The following BCL9L variants were observed in gnomAD, a reference collection of about 807,000 sequenced individuals.
BCL9L encodes B-cell CLL/lymphoma 9-like protein.
A neutral mutation model predicts 99.4 loss-of-function variants in BCL9L; 19 were observed. The observed-to-expected ratio is 0.19, with a 90% CI of 0.13 to 0.28. The LOEUF is 0.28. Ranked by LOEUF, BCL9L falls within the 10% of genes least tolerant of loss-of-function variation. The pLI is 1.00. For missense variants in BCL9L, 2,023 were observed against 2,101.6 expected, an observed-to-expected ratio of 0.96 and a Z score of 0.73; for synonymous variants, 900 against 854.8, an observed-to-expected ratio of 1.05 and a Z score of -0.92.
In BCL9L at chr11:118,898,108, CG is replaced by C; in HGVS notation, c.*306del. On this transcript the variant is annotated 3_prime_UTR_variant, in exon 10 of 10. Coordinates refer to ENST00000683865, the MANE Select transcript of BCL9L (RefSeq NM_001378213.1). ...AAAAGCATAGCTGAAGGGGGTGTGG[CG>C]GGTGCAGGGATGCACGGAAAGAGGT... The C allele has an allele frequency of 3.9e-6, 2 of 516,730 alleles. No homozygotes were observed. The highest frequency in any genetic ancestry group is 7.0e-6 in the Non-Finnish European group (2 of 284,108). 32.0% of individuals were successfully genotyped at this position (516,730 alleles called of 1,614,324 possible).
At position 118,922,276 on chromosome 11, in the gene BCL9L, T is replaced by A. The variant is rs1275097167; in HGVS notation, c.-131+2962A>T. Among the ~76,000 whole-genome samples the A allele has an allele frequency of 2.6e-5, 4 of 152,200 alleles. No individual in the cohort carries two copies. On this transcript the variant is annotated intron_variant, in intron 1 of 9. Transcript: ENST00000683865. This position sits in a 1 kb window ranked among gnomAD's most constrained non-coding sequence, Gnocchi z 6.2. ...TTCAGGGCCGCCGAGCCAAGTGACA[T>A]GCACCAGCTCAGGAGCTGCAGTGCT...
chr11:118,916,348 C>G (rs1412926105), intron 2 of BCL9L, among the ~76,000 whole-genome samples: 1 of 152,172 alleles, frequency 6.6e-6, no homozygotes, highest in Non-Finnish European at 1.5e-5. Flanking sequence ...TTTTACCCAC[C>G]TTGTCTGCAT....
chr11:118,911,458 G>A (rs1365935474), intron 2 of BCL9L, among the ~76,000 whole-genome samples: 1 of 152,232 alleles, frequency 6.6e-6, no homozygotes, highest in Non-Finnish European at 1.5e-5. Flanking sequence ...GGCTCCTGGG[G>A]GAAGGTTCCA....
rs1940006537 is a variant in BCL9L at position 118,898,281 on chromosome 11, A to C, written c.*134T>G. On this transcript the variant is annotated 3_prime_UTR_variant, in exon 10 of 10. Transcript: ENST00000683865. ...AGCACATCTGGTTTCCACAAATGCC[A>C]CTCCCTACACAAGCCCCCTCCCACC... 6 of 1,073,518 alleles carry C rather than the reference A, an allele frequency of 5.6e-6. No homozygotes were observed. The highest frequency in any genetic ancestry group is 1.6e-5 in the African/African-American group (1 of 61,492). 66.5% of individuals were successfully genotyped at this position (1,073,518 alleles called of 1,614,324 possible).
chr11:118,920,650 T>G (rs1941111598), intron 1 of BCL9L, among the ~76,000 whole-genome samples: 1 of 152,114 alleles, frequency 6.6e-6, no homozygotes, highest in Non-Finnish European at 1.5e-5. Context: ...ACACCGAGCC[T>G]CTCTGTAACA....
At chr11:118,909,353 C>T (rs760872919) in intron 3 of BCL9L, among the ~76,000 whole-genome samples, 16 of 152,196 alleles carry the variant, frequency 1.1e-4, no homozygotes, top group Non-Finnish European at 2.1e-4. Flanking sequence ...CTCCAGCCCG[C>T]TCCCCCCGCC....
Position 118,899,018 on chromosome 11 carries a change from A to C in BCL9L, c.3897T>G (p.Pro1299=). 6.2e-7 allele frequency: 1 copy of C among 1,613,736 alleles called. No homozygotes were observed. Among genetic ancestry groups the C allele is most frequent in the Non-Finnish European group, 8.5e-7 (1 of 1,179,942 alleles). Residue 1299 remains proline (P), a synonymous_variant, in exon 10 of 10, where the codon CCT becomes CCG. Coordinates refer to ENST00000683865, the MANE Select transcript of BCL9L (RefSeq NM_001378213.1). Reference sequence around the variant, plus strand: ...GGTCGTTCAGCACTGATGCCACCCCAGGGAGCACACCCGGTGGGTATGCGT... The same window carrying C: ...GGTCGTTCAGCACTGATGCCACCCCCGGGAGCACACCCGGTGGGTATGCGT... ...MGDAYPPGVL[P]GVASVLNDPE...
chr11:118,911,574 A>G (rs1379731181), intron 2 of BCL9L, among the ~76,000 whole-genome samples: 1 of 152,238 alleles, frequency 6.6e-6, no homozygotes, highest in African/African-American at 2.4e-5. Flanking sequence ...CAGGGCTCTG[A>G]GCAGGCTCCT....
Position 118,908,289 on chromosome 11 carries a change from G to C in BCL9L, c.393C>G (p.Ser131=). ...SGEQREAGTP[S]LDSEAKEVAP... is the part of the protein sequence containing the mutation. The stretch of plus-strand genomic sequence containing the variant: ...GGGTACCTTTGGCCTCTGAATCCAG[G>C]GATGGGGTCCCAGCCTCTCGCTGCT... Residue 131 remains serine (S), a synonymous_variant, in exon 4 of 10, where the codon TCC becomes TCG. Transcript: ENST00000683865. 6.4e-7 allele frequency: 1 copy of C among 1,557,196 alleles called. No individual in the cohort carries two copies. Among genetic ancestry groups the C allele is most frequent in the South Asian group, 1.2e-5 (1 of 82,046 alleles).
intron 2 of BCL9L, among the ~76,000 whole-genome samples, chr11:118,913,183 GAC>G (rs749431137): frequency 1.1e-4 from 16 of 152,176 alleles, no homozygotes; most frequent in Non-Finnish European, 1.9e-4. Flanking sequence ...TGCCAAAGGA[GAC>G]CATGCAAATC....
Position 118,900,066 on chromosome 11 carries a change from A to T in BCL9L, c.3257T>A (p.Leu1086Gln). ...GTACTTGGACATCTGGGTCATCATCAGTGACAGGGGGTTCTGGGAAGGTGT... is the reference window on the plus strand; with the variant it reads ...GTACTTGGACATCTGGGTCATCATCTGTGACAGGGGGTTCTGGGAAGGTGT... ...DPTPSQNPLS[L>Q]MMTQMSKYAM... The change falls in exon 9 of 10, where the codon CTG becomes CAG. Residue 1086 changes from leucine to glutamine, a missense_variant. Leu to Gln is a moderately radical substitution (Grantham distance 113). Coordinates refer to ENST00000683865, the MANE Select transcript of BCL9L (RefSeq NM_001378213.1). This position sits in a 1 kb window ranked among gnomAD's most constrained non-coding sequence, Gnocchi z 5.3. 6.2e-7 allele frequency: 1 copy of T among 1,613,656 alleles called. No individual in the cohort carries two copies. Among genetic ancestry groups the T allele is most frequent in the East Asian group, 2.2e-5 (1 of 44,864 alleles).
At chr11:118,907,088 A>G (rs1376601723) in intron 5 of BCL9L, among the ~76,000 whole-genome samples, 1 of 152,218 alleles carries the variant, frequency 6.6e-6, no homozygotes, top group Non-Finnish European at 1.5e-5. Flanking sequence ...AGACACGGCC[A>G]AGTGGCAACT....
chr11:118,898,844 C>T lies in BCL9L; in HGVS notation c.4071G>A (p.Leu1357=). 3.1e-6 allele frequency: 5 copies of T among 1,614,062 alleles called. No homozygotes were observed. The highest frequency in any genetic ancestry group is 4.2e-6 in the Non-Finnish European group (5 of 1,179,988). The change falls in exon 10 of 10, where the codon CTG becomes CTA. Residue 1357 remains leucine, a synonymous_variant. Coordinates refer to ENST00000683865, the MANE Select transcript of BCL9L (RefSeq NM_001378213.1). The stretch of plus-strand genomic sequence containing the variant: ...TCATGTTCTGCAGGTTCATGAGATG[C>T]AGATTAGGGGGCTGAGCCTTGGGGG... ...NQPPKAQPPN[L]HLMNLQNMMA...
At position 118,903,562 on chromosome 11, in the gene BCL9L, C is replaced by A; in HGVS notation, c.533-110G>T. ...GCCTTACAGCTCGTGCCCACAGGGACATTTGATGTCAGTATCTGGTGTTCT... is the reference window on the plus strand; with the variant it reads ...GCCTTACAGCTCGTGCCCACAGGGAAATTTGATGTCAGTATCTGGTGTTCT... On this transcript the variant is annotated intron_variant, in intron 5 of 9. Coordinates refer to ENST00000683865, the MANE Select transcript of BCL9L (RefSeq NM_001378213.1). The surrounding 1 kb of genome is among the most constrained non-coding windows in gnomAD (Gnocchi z 5.6). 1 of 1,180,202 alleles carries A rather than the reference C, an allele frequency of 8.5e-7. No individual in the cohort carries two copies. Among genetic ancestry groups the A allele is most frequent in the Non-Finnish European group, 1.2e-6 (1 of 813,346 alleles). 73.1% of individuals were successfully genotyped at this position (1,180,202 alleles called of 1,614,324 possible). A position where few individuals can be genotyped will look rare whatever the true frequency, so the allele number is the denominator to read the frequency against.
chr11:118,908,173 G>T, intron 4 of BCL9L, 97 bp downstream of exon 4: 1 of 1,459,344 alleles, frequency 6.9e-7, no homozygotes. Flanking sequence ...GTGGGATGAG[G>T]ACTGGACAAG....
At position 118,903,740 on chromosome 11, in the gene BCL9L, C is replaced by T. The variant is rs953054689; in HGVS notation, c.533-288G>A. Among the ~76,000 whole-genome samples, 4 of 152,150 alleles carry T rather than the reference C, an allele frequency of 2.6e-5. No homozygotes were observed. Among genetic ancestry groups the T allele is most frequent in the Admixed American group, 6.5e-5 (1 of 15,280 alleles). On this transcript the variant is annotated intron_variant, in intron 5 of 9. Coordinates refer to ENST00000683865, the MANE Select transcript of BCL9L (RefSeq NM_001378213.1). This position sits in a 1 kb window ranked among gnomAD's most constrained non-coding sequence, Gnocchi z 5.6. ...TCTCATCAACACACCCTGGGAGGAA[C>T]GTGTCACACACTCCACTTAACAAAG...
chr11:118,921,334 A>G lies in BCL9L; in HGVS notation c.-130-2455T>C, dbSNP rs117521530. On this transcript the variant is annotated intron_variant, in intron 1 of 9. Coordinates refer to ENST00000683865, the MANE Select transcript of BCL9L (RefSeq NM_001378213.1). The surrounding 1 kb of genome is among the most constrained non-coding windows in gnomAD (Gnocchi z 5.4). ...CTAGCACACAAACTCAGACACACAA[A>G]CTTGCAGCGCAGAGTGTGTGAAGTC... Among the ~76,000 whole-genome samples, 1,297 of 152,172 alleles carry G rather than the reference A, an allele frequency of 8.5e-3. 7 individuals are homozygous for G. Among genetic ancestry groups the G allele is most frequent in the Non-Finnish European group, 0.011 (731 of 68,010 alleles).
chr11:118,904,284 T>C (rs1940413996), intron 5 of BCL9L, among the ~76,000 whole-genome samples: 1 of 151,070 alleles, frequency 6.6e-6, no homozygotes, highest in Non-Finnish European at 1.5e-5. Flanking sequence ...CTACTAAAAA[T>C]ACAAAAATTA....
Position 118,903,035 on chromosome 11 carries a change from G to T in BCL9L, c.789C>A (p.Ile263=). 6.3e-7 allele frequency: 1 copy of T among 1,593,294 alleles called. No individual in the cohort carries two copies. The highest frequency in any genetic ancestry group is 8.5e-7 in the Non-Finnish European group (1 of 1,174,004). The change falls in exon 7 of 10, where the codon ATC becomes ATA. Residue 263 remains isoleucine, a synonymous_variant. Coordinates refer to ENST00000683865, the MANE Select transcript of BCL9L (RefSeq NM_001378213.1). This position sits in a 1 kb window ranked among gnomAD's most constrained non-coding sequence, Gnocchi z 5.6. Reference sequence around the variant, plus strand: ...GCACGTTCTGCTGGTGGTAGGCGAGGATGGAGTCGGCCCGGCCCTGCAGCA... The same window carrying T: ...GCACGTTCTGCTGGTGGTAGGCGAGTATGGAGTCGGCCCGGCCCTGCAGCA... ...EAVLQGRADS[I]LAYHQQNVPR... is the part of the protein sequence containing the mutation.
Sources: gnomAD v4.1 joint callset for allele counts (sites outside exome capture counted in the v4.1 genomes callset) on GRCh38, gnomAD v4.1.1 for gene constraint, Gnocchi (gnomAD v3.1) non-coding constraint, MANE v1.5 for transcripts, NCBI Gene and HGNC (gene_info 2026-07-23, HGNC 2026-07-21) for gene names.